The following TNFSF4 variants were observed in gnomAD, a reference collection of about 807,000 sequenced individuals.
TNFSF4 encodes tumor necrosis factor ligand superfamily member 4.
In TNFSF4, 4 loss-of-function variants were observed where a neutral mutation model predicts 7.3. The observed-to-expected ratio is 0.55, with a 90% CI of 0.27 to 1.25. TNFSF4 has a LOEUF of 1.25. Among genes scored for constraint, TNFSF4 ranks in the 50% most tolerant of loss-of-function variants. The pLI is 0.12. For missense variants in TNFSF4, 181 were observed against 208.8 expected, an observed-to-expected ratio of 0.87 and a Z score of 0.82; for synonymous variants, 76 against 83.7, an observed-to-expected ratio of 0.91 and a Z score of 0.50.
chr1:173,224,101 T>A, the TNFSF4 span, among the ~76,000 whole-genome samples: 2 of 152,180 alleles, frequency 1.3e-5, no homozygotes, highest in Non-Finnish European at 2.9e-5. Context: ...ACTAGGGTAA[T>A]TTATTGTCCA....
chr1:173,305,873 C>T, the TNFSF4 span, among the ~76,000 whole-genome samples: 1 of 151,782 alleles, frequency 6.6e-6, no homozygotes, highest in Non-Finnish European at 1.5e-5. Context: ...CTCCTTCCCT[C>T]CACATGTGCG....
the TNFSF4 span, among the ~76,000 whole-genome samples, chr1:173,396,352 A>T: frequency 3.9e-5 from 6 of 152,222 alleles, no homozygotes; most frequent in Admixed American, 6.5e-5. Context: ...TCTATGAAAA[A>T]TTTTAAAAAT....
chr1:173,282,756 C>T, the TNFSF4 span, among the ~76,000 whole-genome samples: 1 of 152,026 alleles, frequency 6.6e-6, no homozygotes, highest in Non-Finnish European at 1.5e-5. Flanking sequence ...CACACTGGGC[C>T]TAAATTTTTA....
At chr1:173,318,813 C>A in the TNFSF4 span, among the ~76,000 whole-genome samples, 6 of 152,200 alleles carry the variant, frequency 3.9e-5, no homozygotes, top group African/African-American at 1.4e-4. Flanking sequence ...CCCAGCCAGA[C>A]CAATGCAGAA....
At chr1:173,358,374 A>G in the TNFSF4 span, among the ~76,000 whole-genome samples, 2 of 152,234 alleles carry the variant, frequency 1.3e-5, no homozygotes, top group Non-Finnish European at 2.9e-5. Flanking sequence ...CTGCTAAGCT[A>G]CAATATGGTG....
At chr1:173,369,250 T>C in the TNFSF4 span, among the ~76,000 whole-genome samples, 1 of 152,176 alleles carries the variant, frequency 6.6e-6, no homozygotes, top group Admixed American at 6.5e-5. Flanking sequence ...ATCATCTTTA[T>C]AGGACAAGTG....
chr1:173,363,965 T>C, the TNFSF4 span, among the ~76,000 whole-genome samples: 3 of 152,302 alleles, frequency 2.0e-5, no homozygotes, highest in Non-Finnish European at 2.9e-5. Context: ...TTTGTGACCA[T>C]GTGAAAGCCA....
chr1:173,322,601 G>A, the TNFSF4 span, among the ~76,000 whole-genome samples: 1 of 152,260 alleles, frequency 6.6e-6, no homozygotes, highest in South Asian at 2.1e-4. Context: ...TGCCTCACCT[G>A]GGAAGCACAA....
At chr1:173,256,815 A>T in the TNFSF4 span, among the ~76,000 whole-genome samples, 1 of 152,204 alleles carries the variant, frequency 6.6e-6, no homozygotes, top group Non-Finnish European at 1.5e-5. Flanking sequence ...CTCCTGCTCT[A>T]TCTTTAACCT....
the TNFSF4 span, among the ~76,000 whole-genome samples, chr1:173,232,816 G>A: frequency 2.6e-5 from 4 of 152,150 alleles, no homozygotes; most frequent in East Asian, 1.9e-4. Flanking sequence ...CCAGGGATGA[G>A]GCCCACTTGA....
the TNFSF4 span, among the ~76,000 whole-genome samples, chr1:173,444,449 C>T: frequency 6.6e-6 from 1 of 151,824 alleles, no homozygotes; most frequent in South Asian, 2.1e-4. Context: ...TAAATTTTCA[C>T]TCAAGATCAC....
At chr1:173,274,628 A>G in the TNFSF4 span, among the ~76,000 whole-genome samples, 1 of 152,060 alleles carries the variant, frequency 6.6e-6, no homozygotes, top group Non-Finnish European at 1.5e-5. Context: ...ATCTTACCTA[A>G]CCACATGAGC....
the TNFSF4 span, among the ~76,000 whole-genome samples, chr1:173,408,136 T>C: frequency 6.6e-6 from 1 of 152,152 alleles, no homozygotes; most frequent in Non-Finnish European, 1.5e-5. Context: ...TGATATTTGT[T>C]ATAGCAACCC....
At chr1:173,272,705 CCT>C in the TNFSF4 span, among the ~76,000 whole-genome samples, 2 of 152,074 alleles carry the variant, frequency 1.3e-5, no homozygotes, top group African/African-American at 4.8e-5. Flanking sequence ...AGCAAAATAC[CCT>C]GAGTGTTCCC....
the TNFSF4 span, among the ~76,000 whole-genome samples, chr1:173,237,805 T>A: frequency 6.6e-6 from 1 of 152,146 alleles, no homozygotes. Context: ...ATAGGAAGAA[T>A]CAATATCATT....
At chr1:173,336,824 A>G in the TNFSF4 span, among the ~76,000 whole-genome samples, 1 of 152,076 alleles carries the variant, frequency 6.6e-6, no homozygotes, top group African/African-American at 2.4e-5. Context: ...GGTATGAAGC[A>G]TGTGGGAGAC....
At chr1:173,223,512 TA>T in the TNFSF4 span, among the ~76,000 whole-genome samples, 4 of 151,278 alleles carry the variant, frequency 2.6e-5, no homozygotes, top group South Asian at 8.3e-4. Flanking sequence ...GTCCCAAGAA[TA>T]AAAATAGAGG....
the TNFSF4 span, among the ~76,000 whole-genome samples, chr1:173,434,117 C>A: frequency 6.6e-6 from 1 of 152,232 alleles, no homozygotes; most frequent in South Asian, 2.1e-4. Context: ...TTTGTTCTCA[C>A]ACCTCTAGCC....
At chr1:173,174,222 C>A in the TNFSF4 span, 1 of 152,092 alleles carries the variant, frequency 6.6e-6, no homozygotes, top group African/African-American at 2.4e-5. Context: ...CCACCTCAGT[C>A]GGGACTTTAT....
Sources: allele counts gnomAD v4.1 joint callset (sites outside exome capture counted in the v4.1 genomes callset), GRCh38; gene constraint gnomAD v4.1.1; transcripts MANE v1.5; gene names NCBI Gene and HGNC (gene_info 2026-07-23, HGNC 2026-07-21).